CUL3: variants seen among roughly 807,000 people sequenced by gnomAD.
CUL3 encodes the protein cullin 3, also known as cullin-3.
A neutral mutation model predicts 89.1 loss-of-function variants in CUL3; 19 were observed. That is an observed-to-expected ratio of 0.21 (90% CI 0.15 to 0.31). The LOEUF (loss-of-function observed/expected upper bound fraction) is 0.31. Ranked by LOEUF, CUL3 falls within the 10% of genes least tolerant of loss-of-function variation. CUL3 has a pLI of 1.00. For synonymous variants in CUL3, 351 were observed against 308.4 expected (o/e 1.14, Z -1.45); for missense variants, 469 against 942.3 (o/e 0.50, Z 6.58).
In CUL3 at chr2:224,549,456, A is replaced by C. The variant is rs180964113; in HGVS notation, c.264+8203T>G. Reference sequence around the variant, plus strand: ...ATCAAGACACATAATCATAATTTTTAAAGTTCTTTGGGCTAAAACGACCAA... The same window carrying C: ...ATCAAGACACATAATCATAATTTTTCAAGTTCTTTGGGCTAAAACGACCAA... On this transcript the variant is annotated intron_variant, in intron 2 of 15. Coordinates refer to ENST00000264414, the MANE Select transcript of CUL3 (RefSeq NM_003590.5). Among the ~76,000 whole-genome samples the C allele has an allele frequency of 1.8e-3, 281 of 152,362 alleles. 3 individuals carry two copies. Among genetic ancestry groups the C allele is most frequent in the African/African-American group, 6.5e-3 (270 of 41,596 alleles).
In CUL3 at chr2:224,498,533, G is replaced by GA. The variant is rs2106185302; in HGVS notation, c.1611-685dup. On this transcript the variant is annotated intron_variant, in intron 11 of 15. Transcript: ENST00000264414. Reference sequence around the variant, plus strand: ...ATAAAAAATGAGGACTTTGGGGAGGGAAAAAACCCAACATTTCTGTGAACT... The same window carrying GA: ...ATAAAAAATGAGGACTTTGGGGAGGGAAAAAAACCCAACATTTCTGTGAACT... 2.6e-5 allele frequency among the ~76,000 whole-genome samples: 4 copies of GA among 152,240 alleles called. No individual in the cohort carries two copies. In the East Asian group the frequency reaches 7.7e-4, roughly 29 times the overall value.
intron 11 of CUL3, among the ~76,000 whole-genome samples, chr2:224,498,259 A>C (rs1016347486): frequency 1.3e-5 from 2 of 152,210 alleles, no homozygotes; most frequent in Non-Finnish European, 2.9e-5. Context: ...CATTTATAAA[A>C]TATTCCTCTG....
At chr2:224,576,481 A>G (rs1266864679) in intron 1 of CUL3, among the ~76,000 whole-genome samples, 1 of 152,240 alleles carries the variant, frequency 6.6e-6, no homozygotes, top group Non-Finnish European at 1.5e-5. Context: ...TTAGAGTTAC[A>G]AAAACTTCAA....
intron 2 of CUL3, among the ~76,000 whole-genome samples, chr2:224,554,032 C>T (rs758642061): frequency 6.6e-6 from 1 of 152,080 alleles, no homozygotes; most frequent in African/African-American, 2.4e-5. Context: ...ATACTGGAGC[C>T]CAAAACTTGG....
intron 1 of CUL3, 37 bp from the exon 2 acceptor site, chr2:224,557,893 A>AAAC (rs1443358444): frequency 8.7e-7 from 1 of 1,148,812 alleles, no homozygotes. Flanking sequence ...CAAAAAAAAA[A>AAAC]AAAAAAAAAA....
At chr2:224,475,820 A>C (rs1691296989) in intron 15 of CUL3, among the ~76,000 whole-genome samples, 1 of 152,128 alleles carries the variant, frequency 6.6e-6, no homozygotes, top group African/African-American at 2.4e-5. Context: ...CCTATCCCAT[A>C]AACACTATTT....
chr2:224,567,739 CAA>C (rs11338737), intron 1 of CUL3, among the ~76,000 whole-genome samples: 11 of 138,814 alleles, frequency 7.9e-5, no homozygotes, highest in African/African-American at 1.1e-4. Context: ...GACTCTGTCT[CAA>C]AAAAAAAAAA....
rs1340362364 is a variant in CUL3, at chr2:224,585,265, C to T, written c.-256G>A. 2.8e-5 allele frequency: 11 copies of T among 398,042 alleles called. No individual in the cohort carries two copies. The highest frequency in any genetic ancestry group is 4.4e-5 in the Non-Finnish European group (10 of 226,794). 24.7% of individuals were successfully genotyped at this position (398,042 alleles called of 1,614,324 possible). ...TGGCGCGGCGGCTCCGCGGGGTCCCCCTCACGTCCGGCTCGGCTCCCTTTA... is the reference window on the plus strand; with the variant it reads ...TGGCGCGGCGGCTCCGCGGGGTCCCTCTCACGTCCGGCTCGGCTCCCTTTA... On this transcript the variant is annotated 5_prime_UTR_variant, in exon 1 of 16. Coordinates refer to ENST00000264414, the MANE Select transcript of CUL3 (RefSeq NM_003590.5).
intron 2 of CUL3, among the ~76,000 whole-genome samples, chr2:224,554,822 C>T (rs1694644378): frequency 6.6e-6 from 1 of 152,158 alleles, no homozygotes; most frequent in African/African-American, 2.4e-5. Context: ...TAATCCCATA[C>T]TCTCTATATC....
chr2:224,480,059 T>C (rs1691475563), intron 14 of CUL3: 1 of 152,506 alleles, frequency 6.6e-6, no homozygotes, highest in Non-Finnish European at 1.5e-5. Context: ...TGCCTATATA[T>C]GACCTATATG....
At chr2:224,547,475 T>C (rs1048387571) in intron 2 of CUL3, among the ~76,000 whole-genome samples, 2 of 152,106 alleles carry the variant, frequency 1.3e-5, no homozygotes, top group Admixed American at 6.5e-5. Context: ...TTAAGTATAA[T>C]CAAAAGTGAC....
chr2:224,470,485 C>T lies in CUL3; in HGVS notation c.*3760G>A, dbSNP rs1220943551. The T allele has an allele frequency of 4.4e-6, 1 of 228,600 alleles. No individual in the cohort carries two copies. The highest frequency in any genetic ancestry group is 2.3e-5 in the African/African-American group (1 of 44,064). 14.2% of individuals were successfully genotyped at this position (228,600 alleles called of 1,614,324 possible). On this transcript the variant is annotated 3_prime_UTR_variant, in exon 16 of 16. Transcript: ENST00000264414. ...TAATGGCCAATCTCTGTATCATTAC[C>T]TGTTAAATTTATCTGCCATTCTTAA...
rs762339416 is a variant in CUL3, at chr2:224,478,248, C to T, written c.2127G>A (p.Arg709=). The T allele has an allele frequency of 6.2e-7, 1 of 1,613,462 alleles. No homozygotes were observed. The highest frequency in any genetic ancestry group is 8.5e-7 in the Non-Finnish European group (1 of 1,179,626). The change falls in exon 15 of 16, where the codon CGG becomes CGA. Residue 709 remains arginine, a synonymous_variant. Coordinates refer to ENST00000264414, the MANE Select transcript of CUL3 (RefSeq NM_003590.5). ...GCATCTTCTTTCTAGATTTCATTAT[C>T]CGCACTATAGCAGCTTCTATCTCAT... is the stretch of plus-strand genomic sequence containing the variant. ...RKHEIEAAIV[R]IMKSRKKMQH...
At chr2:224,487,619 C>T (rs1559340938) in intron 13 of CUL3, among the ~76,000 whole-genome samples, 1 of 152,038 alleles carries the variant, frequency 6.6e-6, no homozygotes, top group Admixed American at 6.6e-5. Flanking sequence ...TTCATAAAGT[C>T]TCTACAAAGA....
chr2:224,581,633 G>C (rs1695440109), intron 1 of CUL3, among the ~76,000 whole-genome samples: 1 of 150,938 alleles, frequency 6.6e-6, no homozygotes, highest in African/African-American at 2.4e-5. Flanking sequence ...CTCCCGAGCA[G>C]CTGGAATTAT....
chr2:224,521,587 T>A (rs941380868), intron 3 of CUL3, among the ~76,000 whole-genome samples: 5 of 152,050 alleles, frequency 3.3e-5, no homozygotes, highest in African/African-American at 1.2e-4. Context: ...TGTGCCACCA[T>A]GCCCGGCTAA....
chr2:224,548,266 A>G (rs1393562225), intron 2 of CUL3, among the ~76,000 whole-genome samples: 1 of 152,246 alleles, frequency 6.6e-6, no homozygotes, highest in African/African-American at 2.4e-5. Context: ...TCCTTGATAT[A>G]GTACAAATGC....
At chr2:224,477,111 T>C (rs1427557314) in intron 15 of CUL3, among the ~76,000 whole-genome samples, 1 of 145,598 alleles carries the variant, frequency 6.9e-6, no homozygotes, top group Non-Finnish European at 1.5e-5. Context: ...TTCTCTTCCC[T>C]TGTCATAGGA....
At chr2:224,541,052 C>T (rs1389470630) in intron 2 of CUL3, among the ~76,000 whole-genome samples, 2 of 151,920 alleles carry the variant, frequency 1.3e-5, no homozygotes, top group Non-Finnish European at 2.9e-5. Context: ...AAAATGTCAT[C>T]TGATAATTTT....
Sources: allele counts gnomAD v4.1 joint callset (sites outside exome capture counted in the v4.1 genomes callset), GRCh38; gene constraint gnomAD v4.1.1; transcripts MANE v1.5; gene names NCBI Gene and HGNC (gene_info 2026-07-23, HGNC 2026-07-21).